PTPRM: variants seen among roughly 807,000 people sequenced by gnomAD.
The protein encoded by PTPRM is receptor-type tyrosine-protein phosphatase mu.
PTPRM carries 47 observed loss-of-function variants against 186.7 expected under a neutral mutation model. The observed-to-expected ratio is 0.25, with a 90% CI of 0.20 to 0.32. The LOEUF (loss-of-function observed/expected upper bound fraction) is 0.32, where lower values mean the gene tolerates loss of function less well. PTPRM is among the 10% of genes least tolerant of loss of function. The pLI is 1.00. For synonymous variants in PTPRM, 668 were observed against 674.9 expected, an observed-to-expected ratio of 0.99 and a Z score of 0.16; for missense variants, 1,494 against 1,865.0, an observed-to-expected ratio of 0.80 and a Z score of 3.66.
At chr18:8,219,958 T>A (rs1452066441) in intron 14 of PTPRM, among the ~76,000 whole-genome samples, 1 of 152,130 alleles carries the variant, frequency 6.6e-6, no homozygotes, top group East Asian at 1.9e-4. Context: ...GGTCAATTAT[T>A]GTGCCTAAAC....
chr18:7,843,253 A>C (rs2046437477), intron 2 of PTPRM, among the ~76,000 whole-genome samples: 1 of 151,994 alleles, frequency 6.6e-6, no homozygotes, highest in East Asian at 1.9e-4. Context: ...CATCAAGAGA[A>C]AGCTTTTATG....
At chr18:7,719,173 A>C (rs2040400910) in intron 1 of PTPRM, among the ~76,000 whole-genome samples, 1 of 152,240 alleles carries the variant, frequency 6.6e-6, no homozygotes, top group Non-Finnish European at 1.5e-5. Flanking sequence ...TGAGTGGATA[A>C]AGAAAATGTG....
rs143356075 is a variant in PTPRM at position 7,886,976 on chromosome 18, C to T, written c.197-1130C>T. ...AGAAATTCCATACATTTTCTAGTAC[C>T]GTGTATGTGTGTGTTTACTGATAAT... On this transcript the variant is annotated intron_variant, in intron 2 of 32. Coordinates refer to ENST00000580170, the MANE Select transcript of PTPRM (RefSeq NM_001105244.2). Among the ~76,000 whole-genome samples the T allele has an allele frequency of 1.1e-3, 168 of 152,198 alleles. 2 individuals are homozygous for T. The East Asian group carries it at 0.027, about 25-fold the overall frequency.
At chr18:8,224,569 C>G (rs2094190977) in intron 14 of PTPRM, among the ~76,000 whole-genome samples, 1 of 152,294 alleles carries the variant, frequency 6.6e-6, no homozygotes, top group East Asian at 1.9e-4. Flanking sequence ...CCATCCTGGT[C>G]AGAATGTATT....
intron 9 of PTPRM, among the ~76,000 whole-genome samples, chr18:8,080,248 T>G (rs1019345952): frequency 3.3e-5 from 5 of 152,178 alleles, no homozygotes; most frequent in Non-Finnish European, 7.3e-5. Context: ...TTATTAGTAA[T>G]ACTCCCCAAT....
intron 7 of PTPRM, among the ~76,000 whole-genome samples, chr18:8,045,051 A>G (rs972594848): frequency 6.6e-6 from 1 of 152,190 alleles, no homozygotes; most frequent in African/African-American, 2.4e-5. Context: ...ATGTCCACAC[A>G]AAACTTGTAT....
At chr18:7,774,054 A>T in intron 1 of PTPRM, 95 bp from the exon 2 acceptor site, 1 of 1,299,332 alleles carries the variant, frequency 7.7e-7, no homozygotes, top group South Asian at 1.4e-5. Context: ...TTGGCATCAA[A>T]CTTGGCATCA....
intron 19 of PTPRM, among the ~76,000 whole-genome samples, chr18:8,284,527 A>G (rs748323735): frequency 6.6e-6 from 1 of 152,182 alleles, no homozygotes; most frequent in Non-Finnish European, 1.5e-5. Context: ...CATTTGGGGT[A>G]TAATGCCCTC....
At chr18:7,978,790 A>C (rs1322853081) in intron 7 of PTPRM, among the ~76,000 whole-genome samples, 1 of 152,242 alleles carries the variant, frequency 6.6e-6, no homozygotes, top group Non-Finnish European at 1.5e-5. Context: ...TTAGGATATG[A>C]AACATTATGA....
intron 22 of PTPRM, among the ~76,000 whole-genome samples, chr18:8,335,293 G>A (rs1271151270): frequency 7.2e-6 from 1 of 139,434 alleles, no homozygotes; most frequent in Non-Finnish European, 1.5e-5. Context: ...ACCTATGGCA[G>A]GTACCTGACT....
At chr18:7,895,468 C>T (rs1040469553) in intron 3 of PTPRM, among the ~76,000 whole-genome samples, 1 of 152,160 alleles carries the variant, frequency 6.6e-6, no homozygotes, top group Non-Finnish European at 1.5e-5. Flanking sequence ...ACCAAGTTCC[C>T]TTCTGTCAGA....
intron 1 of PTPRM, among the ~76,000 whole-genome samples, chr18:7,722,824 G>A (rs1225609552): frequency 6.6e-6 from 1 of 152,110 alleles, no homozygotes; most frequent in Admixed American, 6.6e-5. Context: ...GATAAAACAG[G>A]GACAGAGAGC....
intron 1 of PTPRM, among the ~76,000 whole-genome samples, chr18:7,684,048 T>C (rs540958930): frequency 6.6e-6 from 1 of 152,254 alleles, no homozygotes; most frequent in South Asian, 2.1e-4. Context: ...GCTCTCTGAC[T>C]TTTCCCTGGA....
At chr18:7,676,714 T>G (rs1324239119) in intron 1 of PTPRM, among the ~76,000 whole-genome samples, 1 of 151,432 alleles carries the variant, frequency 6.6e-6, no homozygotes, top group African/African-American at 2.4e-5. Context: ...CGCGCATGGA[T>G]TAGGTGTTAG....
chr18:8,285,705 G>C (rs1278635425), intron 19 of PTPRM, among the ~76,000 whole-genome samples: 1 of 152,126 alleles, frequency 6.6e-6, no homozygotes, highest in African/African-American at 2.4e-5. Context: ...AAGAGTTCTT[G>C]GCTTGGCTGG....
intron 4 of PTPRM, among the ~76,000 whole-genome samples, chr18:7,920,296 G>T (rs753999368): frequency 3.0e-4 from 46 of 152,004 alleles, no homozygotes; most frequent in Admixed American, 1.2e-3. Context: ...GTAGTTAAAT[G>T]ATTTTCTCTG....
At chr18:8,358,140 C>T (rs1050186078) in intron 23 of PTPRM, among the ~76,000 whole-genome samples, 3 of 138,620 alleles carry the variant, frequency 2.2e-5, no homozygotes, top group Non-Finnish European at 4.6e-5. Flanking sequence ...TTCCCCCCCC[C>T]ACACACACAC....
chr18:7,732,257 T>G (rs1555660312), intron 1 of PTPRM, among the ~76,000 whole-genome samples: 1 of 152,112 alleles, frequency 6.6e-6, no homozygotes, highest in Non-Finnish European at 1.5e-5. Flanking sequence ...GGGTGAGTGA[T>G]GAACAGTAGG....
At chr18:8,005,744 T>C (rs754792661) in intron 7 of PTPRM, among the ~76,000 whole-genome samples, 11 of 152,168 alleles carry the variant, frequency 7.2e-5, no homozygotes, top group Non-Finnish European at 1.3e-4. Flanking sequence ...CTCCTCTGAT[T>C]ACAGTTCTCA....
Sources: gnomAD v4.1 joint callset for allele counts (sites outside exome capture counted in the v4.1 genomes callset) on GRCh38, gnomAD v4.1.1 for gene constraint, MANE v1.5 for transcripts, NCBI Gene and HGNC (gene_info 2026-07-23, HGNC 2026-07-21) for gene names.